ABLIM1: variants seen among roughly 807,000 people sequenced by gnomAD.
The protein encoded by ABLIM1 is actin-binding LIM protein 1.
Under a neutral mutation model 107.0 loss-of-function variants are expected in ABLIM1, and 40 were observed. That is an observed-to-expected ratio of 0.37 (90% CI 0.29 to 0.49). The LOEUF is 0.49. Ranked by LOEUF, ABLIM1 falls within the 20% of genes least tolerant of loss-of-function variation. ABLIM1 has a pLI of 0.97. For missense variants in ABLIM1, 857 were observed against 1,008.5 expected, an observed-to-expected ratio of 0.85 and a Z score of 2.04; for synonymous variants, 357 against 357.3, an observed-to-expected ratio of 1.00 and a Z score of 0.01.
At chr10:114,480,022 C>A (rs1269636265) in intron 8 of ABLIM1, among the ~76,000 whole-genome samples, 2 of 152,232 alleles carry the variant, frequency 1.3e-5, no homozygotes, top group Non-Finnish European at 1.5e-5. Context: ...CCATCTCAAT[C>A]TTGAAAGCAC....
rs34043960 is a variant in ABLIM1, at chr10:114,588,487, CTTTTTTTTTTTTTT to C, written c.380-12902_380-12889del. Among the ~76,000 whole-genome samples, 117 of 76,570 alleles carry C rather than the reference CTTTTTTTTTTTTTT, an allele frequency of 1.5e-3. 1 individual carries two copies. Among genetic ancestry groups the C allele is most frequent in the Admixed American group, 0.012 (66 of 5,390 alleles). The allele number at this position is 76,570 out of a possible 152,430, so 50.2% of individuals were successfully genotyped here. ...CTCCTTTTTTTCTTTTTCTTTCTTT[CTTTTTTTTTTTTTT>C]TTTTTTTTTTTGAGACAGAGTCTTG... On this transcript the variant is annotated intron_variant, in intron 2 of 22. Transcript: ENST00000533213.
At chr10:114,772,815 A>G (rs1001251504), upstream of ABLIM1, among the ~76,000 whole-genome samples, 37 of 152,188 alleles carry the variant, frequency 2.4e-4, no homozygotes, top group Admixed American at 1.1e-3. Context: ...TAAAATATAT[A>G]TAAAGTAACA....
chr10:114,706,635 G>A (rs1040471819), intron 1 of ABLIM1, among the ~76,000 whole-genome samples: 6 of 152,184 alleles, frequency 3.9e-5, no homozygotes, highest in Non-Finnish European at 7.3e-5. Flanking sequence ...CCAATGTAAT[G>A]AAGCCTGAGG....
chr10:114,740,012 T>G (rs1438299904), intron 1 of ABLIM1, among the ~76,000 whole-genome samples: 1 of 152,150 alleles, frequency 6.6e-6, no homozygotes, highest in Non-Finnish European at 1.5e-5. Context: ...ATTTCTTAAA[T>G]AACAGCAAAC....
At chr10:114,604,837 G>A (rs2076298641) in intron 1 of ABLIM1, among the ~76,000 whole-genome samples, 1 of 152,214 alleles carries the variant, frequency 6.6e-6, no homozygotes, top group South Asian at 2.1e-4. Flanking sequence ...AAGCAAGGCA[G>A]TCATGCTGAG....
intron 1 of ABLIM1, among the ~76,000 whole-genome samples, chr10:114,640,904 C>T (rs191097212): frequency 1.3e-5 from 2 of 152,224 alleles, no homozygotes; most frequent in East Asian, 3.9e-4. Context: ...GGGGTCCCAC[C>T]TTTTCCTTTT....
chr10:114,589,199 C>CTGTGTGTG (rs1209195482), intron 2 of ABLIM1, among the ~76,000 whole-genome samples: 1 of 145,896 alleles, frequency 6.9e-6, no homozygotes, highest in Non-Finnish European at 1.5e-5. Flanking sequence ...GTGTGTGTGT[C>CTGTGTGTG]TGTGTGTGTG....
At chr10:114,459,658 T>C (rs2063481631) in intron 12 of ABLIM1, among the ~76,000 whole-genome samples, 1 of 152,142 alleles carries the variant, frequency 6.6e-6, no homozygotes, top group African/African-American at 2.4e-5. Flanking sequence ...AAAAAGCTCA[T>C]ATGATTGAAA....
intron 1 of ABLIM1, among the ~76,000 whole-genome samples, chr10:114,696,680 T>C (rs1029831283): frequency 6.9e-6 from 1 of 144,888 alleles, no homozygotes; most frequent in Non-Finnish European, 1.5e-5. Flanking sequence ...CCTGCCACCA[T>C]GTAAGACATG....
At chr10:114,745,594 G>A (rs1283670901) in intron 1 of ABLIM1, among the ~76,000 whole-genome samples, 1 of 151,856 alleles carries the variant, frequency 6.6e-6, no homozygotes. Flanking sequence ...AATTGGCCGG[G>A]CACAGTGGCT....
At chr10:114,484,663 G>A (rs1282822035) in intron 8 of ABLIM1, among the ~76,000 whole-genome samples, 1 of 152,264 alleles carries the variant, frequency 6.6e-6, no homozygotes, top group East Asian at 1.9e-4. Context: ...GATTACAGGC[G>A]TGAGCCACTG....
At chr10:114,477,017 A>G (rs78678062) in intron 8 of ABLIM1, among the ~76,000 whole-genome samples, 1,603 of 152,284 alleles carry the variant, frequency 0.011, 32 homozygotes, top group African/African-American at 0.037. Context: ...GGTAGCTTCC[A>G]TTATTATTCC....
intron 1 of ABLIM1, among the ~76,000 whole-genome samples, chr10:114,643,498 C>G (rs575864003): frequency 4.1e-4 from 62 of 151,970 alleles, no homozygotes; most frequent in Non-Finnish European, 7.9e-4. Context: ...CAAAGGGTAT[C>G]ATAAGGCAAA....
chr10:114,485,322 C>T (rs12261639), intron 8 of ABLIM1: 68 of 1,612,474 alleles, frequency 4.2e-5, no homozygotes, highest in African/African-American at 9.3e-5. Context: ...CCGTCCTGTG[C>T]GTCGAATCAG....
chr10:114,506,114 G>A (rs2061099999), intron 6 of ABLIM1, among the ~76,000 whole-genome samples: 1 of 152,306 alleles, frequency 6.6e-6, no homozygotes, highest in East Asian at 1.9e-4. Flanking sequence ...GAGAACACGA[G>A]GTATTTTTCT....
chr10:114,632,224 C>T, intron 1 of ABLIM1: 1 of 985,390 alleles, frequency 1.0e-6, no homozygotes. Flanking sequence ...GTAACAAATG[C>T]AAAATTCTAC....
intron 1 of ABLIM1, among the ~76,000 whole-genome samples, chr10:114,646,965 G>A (rs1256906219): frequency 6.6e-6 from 1 of 151,884 alleles, no homozygotes; most frequent in Non-Finnish European, 1.5e-5. Context: ...AGATTAGACA[G>A]TTTTTTAAAT....
the ABLIM1 span, among the ~76,000 whole-genome samples, chr10:114,782,815 A>T: frequency 6.6e-6 from 1 of 152,144 alleles, no homozygotes; most frequent in African/African-American, 2.4e-5. Context: ...AAAAAAAATA[A>T]GAAGAATAAG....
intron 17 of ABLIM1, 100 bp from the exon 18 acceptor site, chr10:114,441,886 C>A: frequency 1.0e-6 from 1 of 999,318 alleles, no homozygotes; most frequent in South Asian, 1.4e-5. Context: ...ATAGAAATAC[C>A]AAAAAAATTC....
Sources: allele counts gnomAD v4.1 joint callset (sites outside exome capture counted in the v4.1 genomes callset), GRCh38; gene constraint gnomAD v4.1.1; transcripts MANE v1.5; gene names NCBI Gene and HGNC (gene_info 2026-07-23, HGNC 2026-07-21).